APOL3: variants seen among roughly 807,000 people sequenced by gnomAD.
The protein encoded by APOL3 is TNF-inducible protein CG12-1.
A neutral mutation model predicts 11.6 loss-of-function variants in APOL3; 14 were observed. That is an observed-to-expected ratio of 1.21 (90% CI 0.80 to 1.89). The LOEUF is 1.89. Ranked by LOEUF, APOL3 falls within the 40% of genes most tolerant of loss-of-function variation. The pLI is 0.00. For synonymous variants in APOL3, 192 were observed against 190.6 expected (o/e 1.01, Z -0.06); for missense variants, 483 against 492.1 (o/e 0.98, Z 0.17).
At chr22:36,152,248 GA>G (rs1293955189) in intron 1 of APOL3, among the ~76,000 whole-genome samples, 6 of 152,148 alleles carry the variant, frequency 3.9e-5, no homozygotes, top group African/African-American at 1.4e-4. Context: ...AACAGTACAA[GA>G]GGGGGAAAAA....
chr22:36,161,097 C>T (rs2146910083), upstream of APOL3, among the ~76,000 whole-genome samples: 1 of 152,346 alleles, frequency 6.6e-6, no homozygotes, highest in Admixed American at 6.5e-5. Context: ...AGATGCCCAC[C>T]TCACTCCCTC....
chr22:36,149,821 G>C (rs1470044179), intron 1 of APOL3: 1 of 456,010 alleles, frequency 2.2e-6, no homozygotes, highest in African/African-American at 2.0e-5. Context: ...TGCACTCTAT[G>C]CCCAAGTGTC....
chr22:36,154,454 G>A lies in APOL3; in HGVS notation c.223+6215C>T, dbSNP rs370408195. On this transcript the variant is annotated intron_variant, in intron 1 of 2. Transcript: ENST00000349314. The stretch of plus-strand genomic sequence containing the variant: ...GGTACTTGAAATGCAAAGACTTATC[G>A]TAACAGAGAATGTTTAATTGTTAAT... 393 of 376,070 alleles carry A rather than the reference G, an allele frequency of 1.0e-3. 2 individuals are homozygous for A. Among genetic ancestry groups the A allele is most frequent in the African/African-American group, 7.7e-3 (362 of 47,242 alleles). 23.3% of individuals were successfully genotyped at this position (376,070 alleles called of 1,614,324 possible).
At chr22:36,144,736 G>A (rs1201375374) in intron 2 of APOL3, among the ~76,000 whole-genome samples, 1 of 152,162 alleles carries the variant, frequency 6.6e-6, no homozygotes, top group Non-Finnish European at 1.5e-5. Flanking sequence ...TTGGTCGGGC[G>A]CAGCGGCTCA....
chr22:36,149,060 C>T, intron 1 of APOL3: 1 of 1,368,470 alleles, frequency 7.3e-7, no homozygotes, highest in Non-Finnish European at 9.8e-7. Context: ...GTCCATGGTG[C>T]CAGCAGCCAG....
At chr22:36,141,156 C>G (rs970303563) in exon 3 of APOL3, 4 of 1,577,518 alleles carry the variant, frequency 2.5e-6, no homozygotes, top group Admixed American at 3.6e-5. Context: ...TTTGTCGTGG[C>G]CTGTGTATGG....
At chr22:36,162,787 C>A (rs923111496), upstream of APOL3, among the ~76,000 whole-genome samples, 3 of 152,210 alleles carry the variant, frequency 2.0e-5, no homozygotes, top group South Asian at 2.1e-4. Flanking sequence ...TCCATCCCAG[C>A]GCAGAATTCC....
chr22:36,144,522 T>C (rs2146753299), intron 2 of APOL3, among the ~76,000 whole-genome samples: 1 of 152,224 alleles, frequency 6.6e-6, no homozygotes, highest in South Asian at 2.1e-4. Flanking sequence ...AGAGCCAAGA[T>C]CCACCCCCAG....
At chr22:36,145,069 T>G (rs2060142740) in intron 2 of APOL3, among the ~76,000 whole-genome samples, 1 of 150,764 alleles carries the variant, frequency 6.6e-6, no homozygotes, top group Non-Finnish European at 1.5e-5. Context: ...GGTCCTGGTC[T>G]CTCCCCAGCA....
In APOL3 at chr22:36,141,474, C is replaced by T; in HGVS notation, c.935G>A (p.Trp312Ter). ...ACCACCACTTCCAGCTGAGATTCGC[C>T]AGGTGGTCACAGGGAGTCGGGCCCT... Residue 312 changes from tryptophan (W) to a stop codon, truncating the protein, a stop_gained, in exon 3 of 3, where the codon TGG becomes TAG. Coordinates refer to ENST00000349314, the Ensembl canonical transcript of APOL3. LOFTEE classifies it low-confidence loss of function (END_TRUNC). The T allele has an allele frequency of 6.2e-7, 1 of 1,614,184 alleles. No homozygotes were observed. Among genetic ancestry groups the T allele is most frequent in the Non-Finnish European group, 8.5e-7 (1 of 1,180,038 alleles).
intron 1 of APOL3, chr22:36,149,866 C>T (rs1320822594): frequency 1.1e-5 from 5 of 456,128 alleles, no homozygotes; most frequent in Non-Finnish European, 2.2e-5. Context: ...GTGCTGGACA[C>T]CCTTTGTCCC....
chr22:36,140,643 C>T (rs2059953154), exon 3 of APOL3: 1 of 155,274 alleles, frequency 6.4e-6, no homozygotes, highest in South Asian at 2.0e-4. Context: ...CCACCACCTC[C>T]ACCGCCATCA....
At chr22:36,147,954 T>C (rs2060280243) in intron 1 of APOL3, among the ~76,000 whole-genome samples, 1 of 152,142 alleles carries the variant, frequency 6.6e-6, no homozygotes, top group Non-Finnish European at 1.5e-5. Context: ...CGGCCAGTCA[T>C]GAGCAGCCAG....
At chr22:36,146,837 T>G (rs132637) in intron 1 of APOL3, among the ~76,000 whole-genome samples, 48,948 of 151,972 alleles carry the variant, frequency 0.32, 9,210 homozygotes, top group East Asian at 0.84. Context: ...ACTGCCCAGA[T>G]GAGTTGCCCC....
At chr22:36,161,733 AAGAC>A (rs1271041146), upstream of APOL3, among the ~76,000 whole-genome samples, 8 of 151,850 alleles carry the variant, frequency 5.3e-5, no homozygotes, top group Admixed American at 2.0e-4. Context: ...GTGGGAGTAA[AAGAC>A]AAAGACAAAA....
intron 1 of APOL3, among the ~76,000 whole-genome samples, chr22:36,148,076 A>G (rs555388665): frequency 1.3e-5 from 2 of 152,370 alleles, no homozygotes; most frequent in South Asian, 4.1e-4. Context: ...TATTCACCCT[A>G]TAAATACCTG....
intron 1 of APOL3, among the ~76,000 whole-genome samples, chr22:36,160,126 AC>A (rs1431702340): frequency 6.6e-6 from 1 of 151,760 alleles, no homozygotes; most frequent in Non-Finnish European, 1.5e-5. Flanking sequence ...CAAGTGATCT[AC>A]CCGTCTCGGC....
rs535368612 is a variant in APOL3, at chr22:36,160,175, G to T, written c.223+494C>A. On this transcript the variant is annotated intron_variant, in intron 1 of 2. Coordinates refer to ENST00000349314, the Ensembl canonical transcript of APOL3. ...TGGGATTACAGGCATGAGCCACCGC[G>T]CCCAGCCAGGTTCCTTGTATCTCAA... Among the ~76,000 whole-genome samples, 21 of 152,176 alleles carry T rather than the reference G, an allele frequency of 1.4e-4. No homozygotes were observed. In the East Asian group the frequency reaches 4.1e-3, roughly 29 times the overall value.
intron 1 of APOL3, chr22:36,156,752 T>C: frequency 3.0e-6 from 1 of 328,502 alleles, no homozygotes; most frequent in South Asian, 2.4e-5. Context: ...GCTCTACCTC[T>C]GTGTGGCTCT....
Sources: allele counts gnomAD v4.1 joint callset (sites outside exome capture counted in the v4.1 genomes callset), GRCh38; gene constraint gnomAD v4.1.1; transcripts MANE v1.5; gene names NCBI Gene and HGNC (gene_info 2026-07-23, HGNC 2026-07-21).